Variants in PKIB observed in about 807,000 individuals in gnomAD.
PKIB encodes cAMP-dependent protein kinase inhibitor beta, also known as PKI-beta.
PKIB carries 2 observed loss-of-function variants against 4.5 expected under a neutral mutation model. The ratio of observed to expected loss-of-function variants is 0.44; its 90% CI spans 0.18 to 1.39. The LOEUF is 1.39. PKIB is among the 40% of genes most tolerant of loss of function. The pLI is 0.27. For missense variants in PKIB, 94 were observed against 92.6 expected (o/e 1.02, Z -0.06); for synonymous variants, 38 against 36.0 (o/e 1.06, Z -0.20).
chr6:122,488,203 C>CAT (rs946830399), intron 2 of PKIB, among the ~76,000 whole-genome samples: 5 of 151,522 alleles, frequency 3.3e-5, no homozygotes, highest in Admixed American at 6.6e-5. Flanking sequence ...CTTTTTCTTT[C>CAT]ATATATATAT....
intron 1 of PKIB, among the ~76,000 whole-genome samples, chr6:122,620,176 A>G (rs1184320079): frequency 6.6e-6 from 1 of 152,104 alleles, no homozygotes; most frequent in African/African-American, 2.4e-5. Context: ...TCTATCATCA[A>G]TGCTGAGGGT....
At chr6:122,622,489 G>A (rs975985719) in intron 1 of PKIB, among the ~76,000 whole-genome samples, 7 of 152,144 alleles carry the variant, frequency 4.6e-5, no homozygotes, top group African/African-American at 7.2e-5. Flanking sequence ...AGAACATTCC[G>A]AAAAGTGTGT....
At chr6:122,596,374 G>A (rs970902186) in intron 3 of PKIB, among the ~76,000 whole-genome samples, 1 of 152,200 alleles carries the variant, frequency 6.6e-6, no homozygotes, top group African/African-American at 2.4e-5. Flanking sequence ...CAGGAGTGGA[G>A]ACCATGGGCA....
chr6:122,628,541 T>A (rs769175518), intron 1 of PKIB, among the ~76,000 whole-genome samples: 2 of 152,226 alleles, frequency 1.3e-5, no homozygotes, highest in Non-Finnish European at 2.9e-5. Flanking sequence ...AAAATTGAGA[T>A]CTTAATAGTT....
intron 3 of PKIB, among the ~76,000 whole-genome samples, chr6:122,695,380 TTATTG>T (rs1484619689): frequency 4.6e-5 from 7 of 152,030 alleles, no homozygotes; most frequent in African/African-American, 1.7e-4. Flanking sequence ...ATTATATACA[TTATTG>T]TATTGTATGT....
intron 1 of PKIB, among the ~76,000 whole-genome samples, chr6:122,624,663 A>G (rs575179010): frequency 6.6e-6 from 1 of 152,330 alleles, no homozygotes; most frequent in South Asian, 2.1e-4. Flanking sequence ...CCAGATCAAA[A>G]GTCCAAGAAT....
intron 2 of PKIB, among the ~76,000 whole-genome samples, chr6:122,485,843 A>C (rs1282002734): frequency 6.6e-6 from 1 of 152,186 alleles, no homozygotes; most frequent in Non-Finnish European, 1.5e-5. Context: ...ATTCACTGTA[A>C]CTTTTGGATT....
intron 2 of PKIB, among the ~76,000 whole-genome samples, chr6:122,575,429 G>A (rs1286411406): frequency 6.6e-6 from 1 of 151,696 alleles, no homozygotes; most frequent in Non-Finnish European, 1.5e-5. Context: ...CTACTCAAAG[G>A]AAAGTAAGTC....
At chr6:122,528,126 C>T (rs924347489) in intron 2 of PKIB, among the ~76,000 whole-genome samples, 17 of 151,976 alleles carry the variant, frequency 1.1e-4, no homozygotes, top group African/African-American at 3.9e-4. Context: ...TTCTAAATGC[C>T]CTTCTTAGTC....
chr6:122,562,006 T>G (rs1421143191), intron 2 of PKIB, among the ~76,000 whole-genome samples: 3 of 142,042 alleles, frequency 2.1e-5, no homozygotes, highest in Non-Finnish European at 3.1e-5. Flanking sequence ...TTTTTTTTGT[T>G]TTTTTTTTTT....
At chr6:122,696,285 A>G (rs1211955598) in intron 3 of PKIB, among the ~76,000 whole-genome samples, 1 of 152,192 alleles carries the variant, frequency 6.6e-6, no homozygotes, top group East Asian at 1.9e-4. Context: ...AAAAGTTTTG[A>G]TGTTTCTGGG....
rs34676757 is a variant in PKIB, at chr6:122,720,706, A to AT, written c.169+2755dup. ...TATACATTTTTGAATATTTGAGTGT[A>AT]TTTTTTTTTTTTGAGACGGAGTTTC... On this transcript the variant is annotated intron_variant, in intron 4 of 4. Transcript: ENST00000368452. 4.0e-3 allele frequency among the ~76,000 whole-genome samples: 598 copies of AT among 148,218 alleles called. 4 individuals carry two copies. Among genetic ancestry groups the AT allele is most frequent in the African/African-American group, 0.013 (516 of 40,368 alleles).
intron 3 of PKIB, among the ~76,000 whole-genome samples, chr6:122,692,581 G>A (rs1778399986): frequency 6.6e-6 from 1 of 152,160 alleles, no homozygotes; most frequent in Non-Finnish European, 1.5e-5. Flanking sequence ...ACCCTTCAGG[G>A]CAGTGGGCTC....
At chr6:122,556,247 G>T (rs1772836739) in intron 2 of PKIB, among the ~76,000 whole-genome samples, 2 of 152,112 alleles carry the variant, frequency 1.3e-5, no homozygotes, top group African/African-American at 4.8e-5. Context: ...CACCATAATT[G>T]TAAGTTTTCT....
chr6:122,665,500 G>T (rs559334984), intron 2 of PKIB, among the ~76,000 whole-genome samples: 1 of 152,122 alleles, frequency 6.6e-6, no homozygotes, highest in South Asian at 2.1e-4. Flanking sequence ...GCATTTCTCT[G>T]CTGTGTGTGC....
intron 2 of PKIB, among the ~76,000 whole-genome samples, chr6:122,578,620 C>T (rs1773615730): frequency 6.6e-6 from 1 of 152,172 alleles, no homozygotes; most frequent in African/African-American, 2.4e-5. Flanking sequence ...CTACCCTGAT[C>T]TTGGTCTCTG....
At chr6:122,540,143 A>G (rs1235658337) in intron 2 of PKIB, among the ~76,000 whole-genome samples, 1 of 151,994 alleles carries the variant, frequency 6.6e-6, no homozygotes, top group African/African-American at 2.4e-5. Flanking sequence ...TCCAGGATTC[A>G]TTAATTTTTT....
chr6:122,543,225 T>C lies in PKIB; in HGVS notation c.-247-42696T>C, dbSNP rs1324869726. ...TGCATGGTGTGCTGCACCCACTGTC[T>C]GGAGCTCCCTAGTGAGATGAACCCA... On this transcript the variant is annotated intron_variant, in intron 2 of 6. Transcript: ENST00000392491. Among the ~76,000 whole-genome samples the C allele has an allele frequency of 2.6e-5, 4 of 151,980 alleles. No individual in the cohort carries two copies. In the South Asian group the frequency reaches 8.3e-4, roughly 32 times the overall value.
intron 1 of PKIB, among the ~76,000 whole-genome samples, chr6:122,612,903 A>T (rs1056571490): frequency 9.9e-5 from 15 of 152,154 alleles, no homozygotes; most frequent in African/African-American, 9.7e-5. Flanking sequence ...ATAAAAATTT[A>T]AAAAATTCTG....
Sources: gnomAD v4.1 joint callset for allele counts (sites outside exome capture counted in the v4.1 genomes callset) on GRCh38, gnomAD v4.1.1 for gene constraint, MANE v1.5 for transcripts, NCBI Gene and HGNC (gene_info 2026-07-23, HGNC 2026-07-21) for gene names.